The following ZNF638 variants were observed in gnomAD, a reference collection of about 807,000 sequenced individuals.
ZNF638 encodes CTCL tumor antigen se33-1.
Under a neutral mutation model 195.6 loss-of-function variants are expected in ZNF638, and 46 were observed. The ratio of observed to expected loss-of-function variants is 0.24; its 90% CI spans 0.19 to 0.30. ZNF638 has a LOEUF of 0.30. Ranked by LOEUF, ZNF638 falls within the 10% of genes least tolerant of loss-of-function variation. The probability of loss-of-function intolerance (pLI) is 1.00; values close to 1 mark genes in which losing one functional copy is unlikely to be tolerated. For missense variants in ZNF638, 2,440 were observed against 2,325.3 expected (o/e 1.05, Z -1.01); for synonymous variants, 845 against 772.0 (o/e 1.09, Z -1.57).
chr2:71,341,774 G>A (rs369017471), intron 1 of ZNF638: 1 of 152,250 alleles, frequency 6.6e-6, no homozygotes, highest in South Asian at 2.1e-4. Context: ...TATGACCAGA[G>A]CTCCTGGGGT....
chr2:71,363,527 C>T (rs930066494), intron 4 of ZNF638, among the ~76,000 whole-genome samples: 2 of 152,092 alleles, frequency 1.3e-5, no homozygotes, highest in Non-Finnish European at 2.9e-5. Context: ...TGTACACACA[C>T]GTACACACAC....
chr2:71,346,158 A>G (rs2078847491), intron 1 of ZNF638, among the ~76,000 whole-genome samples: 1 of 152,204 alleles, frequency 6.6e-6, no homozygotes, highest in African/African-American at 2.4e-5. Flanking sequence ...TGGGGGAGAA[A>G]CATTATTTGA....
chr2:71,354,686 G>A (rs1558837207), intron 2 of ZNF638, among the ~76,000 whole-genome samples: 1 of 150,546 alleles, frequency 6.6e-6, no homozygotes, highest in Non-Finnish European at 1.5e-5. Flanking sequence ...GCAGTGATCC[G>A]AGATCGCCTC....
chr2:71,388,737 GC>G, intron 10 of ZNF638: 1 of 1,149,222 alleles, frequency 8.7e-7, no homozygotes, highest in Non-Finnish European at 1.3e-6. Context: ...AGTCATTGGT[GC>G]CCACTCGGGA....
chr2:71,377,344 C>A (rs2079449486), intron 8 of ZNF638, among the ~76,000 whole-genome samples: 1 of 151,318 alleles, frequency 6.6e-6, no homozygotes, highest in African/African-American at 2.4e-5. Context: ...CAACCTTGTG[C>A]AAAAAAAACA....
rs750813549 is a variant in ZNF638 at position 71,434,873 on chromosome 2, A to G, written c.*66A>G. ...TCCAGTTGATTTGTGTATTTTTGTT[A>G]TCATTTAATTTGTAATTTTCGTTTC... On this transcript the variant is annotated 3_prime_UTR_variant, in exon 28 of 28. Coordinates refer to ENST00000264447, the MANE Select transcript of ZNF638 (RefSeq NM_014497.5). The G allele has an allele frequency of 4.3e-6, 6 of 1,402,304 alleles. No homozygotes were observed. The African/African-American group carries it at 4.4e-5, about 10-fold the overall frequency. 86.9% of individuals were successfully genotyped at this position (1,402,304 alleles called of 1,614,324 possible). A position where few individuals can be genotyped will look rare whatever the true frequency, so the allele number is the denominator to read the frequency against.
rs1220510132 is a variant in ZNF638, at chr2:71,419,966, C to CA, written c.3299+1327_3299+1328insA. On this transcript the variant is annotated intron_variant, in intron 21 of 27. Coordinates refer to ENST00000264447, the MANE Select transcript of ZNF638 (RefSeq NM_014497.5). ...ACCAAAAACTTCTTAATTCCCACCC[C>CA]CCCCCGCCTTTTTTTTTTTTTTTTT... Among the ~76,000 whole-genome samples the CA allele has an allele frequency of 3.5e-4, 21 of 59,542 alleles. 5 individuals carry two copies. The highest frequency in any genetic ancestry group is 5.9e-4 in the Non-Finnish European group (20 of 33,722). 39.1% of individuals were successfully genotyped at this position (59,542 alleles called of 152,430 possible).
intron 20 of ZNF638, among the ~76,000 whole-genome samples, chr2:71,410,992 C>CT (rs775391313): frequency 4.4e-3 from 108 of 24,504 alleles, no homozygotes; most frequent in Middle Eastern, 0.025. Flanking sequence ...CTCCCCCCCC[C>CT]TTTTTTTTTT....
chr2:71,342,567 CAAAGA>C (rs2078780220), intron 1 of ZNF638, among the ~76,000 whole-genome samples: 1 of 151,968 alleles, frequency 6.6e-6, no homozygotes, highest in Non-Finnish European at 1.5e-5. Context: ...TTATAATAGC[CAAAGA>C]AAAGGCATTG....
intron 20 of ZNF638, among the ~76,000 whole-genome samples, chr2:71,409,616 C>A (rs1364547626): frequency 6.6e-6 from 1 of 152,096 alleles, no homozygotes; most frequent in South Asian, 2.1e-4. Context: ...TTTTCATTTT[C>A]ATAAGTAGGT....
At chr2:71,382,514 A>G (rs1350135092) in intron 10 of ZNF638, among the ~76,000 whole-genome samples, 2 of 152,212 alleles carry the variant, frequency 1.3e-5, no homozygotes, top group African/African-American at 4.8e-5. Flanking sequence ...GATTATAAGC[A>G]CAGGGAGGAA....
At chr2:71,425,476 A>G (rs2080521570) in intron 23 of ZNF638, among the ~76,000 whole-genome samples, 1 of 152,166 alleles carries the variant, frequency 6.6e-6, no homozygotes, top group African/African-American at 2.4e-5. Flanking sequence ...TCGTTATTAT[A>G]TATAATAGCA....
At chr2:71,376,645 A>G (rs1467877630) in intron 8 of ZNF638, among the ~76,000 whole-genome samples, 1 of 152,168 alleles carries the variant, frequency 6.6e-6, no homozygotes, top group African/African-American at 2.4e-5. Context: ...GACTGCCTCT[A>G]ACTCTAGCTG....
At chr2:71,395,523 G>A (rs969966379) in intron 10 of ZNF638, 3 of 614,066 alleles carry the variant, frequency 4.9e-6, no homozygotes, top group East Asian at 2.8e-5. Context: ...GGAGTGTAAA[G>A]GAATTTATCT....
intron 10 of ZNF638, among the ~76,000 whole-genome samples, chr2:71,390,121 A>G (rs1199058501): frequency 1.3e-5 from 2 of 152,184 alleles, no homozygotes; most frequent in African/African-American, 4.8e-5. Flanking sequence ...CGACGTAGAA[A>G]GGGGAAACGT....
chr2:71,372,107 A>G (rs1417619405), intron 8 of ZNF638, among the ~76,000 whole-genome samples: 1 of 152,136 alleles, frequency 6.6e-6, no homozygotes, highest in Admixed American at 6.5e-5. Flanking sequence ...GATAGGGTTC[A>G]GGTTCATTAA....
intron 8 of ZNF638, among the ~76,000 whole-genome samples, chr2:71,378,664 A>AG (rs1255996320): frequency 6.6e-6 from 1 of 152,204 alleles, no homozygotes; most frequent in Non-Finnish European, 1.5e-5. Flanking sequence ...GTAAAAAAAA[A>AG]TTAGGAAAGG....
Position 71,363,609 on chromosome 2 carries a change from C to T in ZNF638, c.1419-345C>T, listed in dbSNP as rs376698435. On this transcript the variant is annotated intron_variant, in intron 4 of 27. Coordinates refer to ENST00000264447, the MANE Select transcript of ZNF638 (RefSeq NM_014497.5). ...AAAAATTATTGAAAACATCTGTTTA[C>T]GTAAATCATTTCCTAAATTCTTTAC... Among the ~76,000 whole-genome samples, 468 of 152,192 alleles carry T rather than the reference C, an allele frequency of 3.1e-3. 2 individuals carry two copies. The highest frequency in any genetic ancestry group is 0.011 in the African/African-American group (441 of 41,494).
At chr2:71,361,721 C>G (rs1490619651) in intron 3 of ZNF638, 3 of 152,202 alleles carry the variant, frequency 2.0e-5, no homozygotes. Flanking sequence ...CAGACGCTTT[C>G]TCAGATGTCT....
Sources: allele counts gnomAD v4.1 joint callset (sites outside exome capture counted in the v4.1 genomes callset), GRCh38; gene constraint gnomAD v4.1.1; transcripts MANE v1.5; gene names NCBI Gene and HGNC (gene_info 2026-07-23, HGNC 2026-07-21).